The following CGB2 variants were observed in gnomAD, a reference collection of about 807,000 sequenced individuals.
CGB2 encodes choriogonadotropin subunit beta variant 2.
A neutral mutation model predicts 7.1 loss-of-function variants in CGB2; 4 were observed. That is an observed-to-expected ratio of 0.57 (90% confidence interval 0.28 to 1.29). The LOEUF (loss-of-function observed/expected upper bound fraction) is 1.29, where lower values mean the gene tolerates loss of function less well. CGB2 is among the 50% of genes most tolerant of loss of function. The probability of loss-of-function intolerance (pLI) is 0.10; values close to 1 mark genes in which losing one functional copy is unlikely to be tolerated. For synonymous variants in CGB2, 51 were observed against 100.3 expected, an observed-to-expected ratio of 0.51 and a Z score of 2.94; for missense variants, 88 against 224.0, an observed-to-expected ratio of 0.39 and a Z score of 3.88.
chr19:49,032,134 A>C, intron 1 of CGB2, 30 bp downstream of exon 1: 1 of 1,613,944 alleles, frequency 6.2e-7, no homozygotes, highest in South Asian at 1.1e-5. Context: ...CCAGGCACCA[A>C]AGATGGAGAT....
chr19:49,032,216 G>A (rs1369363280), intron 1 of CGB2, 112 bp downstream of exon 1: 11 of 1,613,668 alleles, frequency 6.8e-6, no homozygotes, highest in Non-Finnish European at 9.3e-6. Context: ...ATGAGAAGGG[G>A]CAGACCAGTG....
chr19:49,031,966 G>C lies in CGB2; in HGVS notation c.-130G>C. 1 of 1,317,910 alleles carries C rather than the reference G, an allele frequency of 7.6e-7. No homozygotes were observed. The highest frequency in any genetic ancestry group is 1.1e-6 in the Non-Finnish European group (1 of 916,654). The allele number at this position is 1,317,910 out of a possible 1,614,324, so 81.6% of individuals were successfully genotyped here. Reference sequence around the variant, plus strand: ...GAGAGAGCAGCCAATTGGGTCCGCTGACTCCGGCCGGGTTCCCGTGCCGCG... The same window carrying C: ...GAGAGAGCAGCCAATTGGGTCCGCTCACTCCGGCCGGGTTCCCGTGCCGCG... On this transcript the variant is annotated 5_prime_UTR_variant, in exon 1 of 3. Coordinates refer to ENST00000359342, the MANE Select transcript of CGB2 (RefSeq NM_033378.2).
At position 49,032,475 on chromosome 19, in the gene CGB2, A is replaced by G. The variant is rs1247937858; in HGVS notation, c.10-29A>G. The G allele has an allele frequency of 1.2e-5, 19 of 1,552,920 alleles. 1 individual carries two copies. Among genetic ancestry groups the G allele is most frequent in the African/African-American group, 5.5e-5 (4 of 72,630 alleles). On this transcript the variant is annotated intron_variant, in intron 1 of 2. Transcript: ENST00000359342. ...CCAGGACTCGGGGCTGCGGTCTCAG[A>G]CCCGGGTGAAGCAGTGTCCTTGTCC...
At position 49,032,107 on chromosome 19, in the gene CGB2, A is replaced by G. The variant is rs764198325; in HGVS notation, c.9+3A>G. The G allele has an allele frequency of 3.1e-6, 5 of 1,613,950 alleles. No homozygotes were observed. The highest frequency in any genetic ancestry group is 1.1e-5 in the South Asian group (1 of 91,082). On this transcript the variant is annotated splice_donor_region_variant and intron_variant, in intron 1 of 2. Coordinates refer to ENST00000359342, the MANE Select transcript of CGB2 (RefSeq NM_033378.2). ...GCTAAGAGAGAGACATGTCAAAGGTAGGGTAGATCGACATTTCCAGGCACC... is the reference window on the plus strand; with the variant it reads ...GCTAAGAGAGAGACATGTCAAAGGTGGGGTAGATCGACATTTCCAGGCACC...
chr19:49,031,985 T>A lies in CGB2; in HGVS notation c.-111T>A. Reference sequence around the variant, plus strand: ...TCCGCTGACTCCGGCCGGGTTCCCGTGCCGCGTCCAACACCCCTCACTCCC... The same window carrying A: ...TCCGCTGACTCCGGCCGGGTTCCCGAGCCGCGTCCAACACCCCTCACTCCC... On this transcript the variant is annotated 5_prime_UTR_variant, in exon 1 of 3. Coordinates refer to ENST00000359342, the MANE Select transcript of CGB2 (RefSeq NM_033378.2). 1 of 1,489,926 alleles carries A rather than the reference T, an allele frequency of 6.7e-7. No homozygotes were observed. Among genetic ancestry groups the A allele is most frequent in the South Asian group, 1.1e-5 (1 of 88,438 alleles). The allele number at this position is 1,489,926 out of a possible 1,614,324, so 92.3% of individuals were successfully genotyped here. A position where few individuals can be genotyped will look rare whatever the true frequency, so the allele number is the denominator to read the frequency against.
At position 49,032,497 on chromosome 19, in the gene CGB2, G is replaced by T; in HGVS notation, c.10-7G>T. The T allele has an allele frequency of 6.3e-7, 1 of 1,580,432 alleles. No individual in the cohort carries two copies. Among genetic ancestry groups the T allele is most frequent in the Non-Finnish European group, 8.5e-7 (1 of 1,172,674 alleles). ...CAGACCCGGGTGAAGCAGTGTCCTT[G>T]TCCCAGGGGCTGCTGCTGTTGCTGC... On this transcript the variant is annotated splice_polypyrimidine_tract_variant and splice_region_variant and intron_variant, in intron 1 of 2. Transcript: ENST00000359342.
At position 49,032,055 on chromosome 19, in the gene CGB2, A is replaced by T. The variant is rs564264943; in HGVS notation, c.-41A>T. On this transcript the variant is annotated 5_prime_UTR_variant, in exon 1 of 3. Transcript: ENST00000359342. Reference sequence around the variant, plus strand: ...GACTCAATTTACTTTCCATGTCCACATCCCCAGTGCTTGCGGAAGATATCC... The same window carrying T: ...GACTCAATTTACTTTCCATGTCCACTTCCCCAGTGCTTGCGGAAGATATCC... 6.2e-7 allele frequency: 1 copy of T among 1,613,380 alleles called. No individual in the cohort carries two copies. The highest frequency in any genetic ancestry group is 1.1e-5 in the South Asian group (1 of 91,066).
In CGB2 at chr19:49,033,204, C is replaced by T. The variant is rs1373697554; in HGVS notation, c.475C>T (p.Pro159Ser). 6.2e-7 allele frequency: 1 copy of T among 1,611,656 alleles called. No individual in the cohort carries two copies. The highest frequency in any genetic ancestry group is 1.3e-5 in the African/African-American group (1 of 74,486). Residue 159 changes from proline (P) to serine (S), a missense_variant, in exon 3 of 3, where the codon CCG becomes TCG. Pro to Ser is a moderately conservative substitution (Grantham distance 74). This residue lies in a region of CGB2 where 29 missense variants were observed against 30.7 expected (regional missense o/e 0.94). Coordinates refer to ENST00000359342, the MANE Select transcript of CGB2 (RefSeq NM_033378.2). The stretch of plus-strand genomic sequence containing the variant: ...CCGACTCCCGGGGCCCTCAGACACC[C>T]CGATCCTCCCACAATAAAGGCTTCT... ...PSRLPGPSDTPILPQ is the reference protein window; with the variant it reads ...PSRLPGPSDTSILPQ
At chr19:49,032,307 T>A in intron 1 of CGB2, 197 bp from the exon 2 acceptor site, 1 of 1,577,636 alleles carries the variant, frequency 6.3e-7, no homozygotes, top group Non-Finnish European at 8.6e-7. Context: ...AGGGTGGGGA[T>A]CTAAAATGTT....
At chr19:49,032,440 G>T (rs1386300358) in intron 1 of CGB2, 64 bp from the exon 2 acceptor site, 4 of 1,589,820 alleles carry the variant, frequency 2.5e-6, no homozygotes, top group South Asian at 1.1e-5. Flanking sequence ...TACCACGCGG[G>T]ATGGGAAGGC....
rs1206591460 is a variant in CGB2, at chr19:49,031,924, A to C, written c.-172A>C. 2 of 812,048 alleles carry C rather than the reference A, an allele frequency of 2.5e-6. No individual in the cohort carries two copies. The highest frequency in any genetic ancestry group is 5.6e-5 in the East Asian group (2 of 36,014). 50.3% of individuals were successfully genotyped at this position (812,048 alleles called of 1,614,324 possible). ...TCCGTGGCGCCCCCTGGAGGGAGGAAGGGGAACTGTATCTGAGAGAGAGCA... is the reference window on the plus strand; with the variant it reads ...TCCGTGGCGCCCCCTGGAGGGAGGACGGGGAACTGTATCTGAGAGAGAGCA... On this transcript the variant is annotated 5_prime_UTR_variant, in exon 1 of 3. Transcript: ENST00000359342.
chr19:49,032,232 T>C, intron 1 of CGB2, 128 bp downstream of exon 1: 1 of 1,612,534 alleles, frequency 6.2e-7, no homozygotes, highest in Non-Finnish European at 8.5e-7. Context: ...CAGTGTGAGC[T>C]GTGGAAGGAG....
chr19:49,032,315 G>A, intron 1 of CGB2, 189 bp from the exon 2 acceptor site: 3 of 1,575,962 alleles, frequency 1.9e-6, no homozygotes, highest in Non-Finnish European at 2.6e-6. Context: ...GATCTAAAAT[G>A]TTGGGGTATC....
chr19:49,033,169 C>T lies in CGB2; in HGVS notation c.440C>T (p.Pro147Leu), dbSNP rs1234321908. 5.6e-6 allele frequency: 9 copies of T among 1,610,994 alleles called. No homozygotes were observed. In the South Asian group the frequency reaches 9.9e-5, roughly 18 times the overall value. Residue 147 changes from proline (P) to leucine (L), a missense_variant, in exon 3 of 3, where the codon CCA becomes CTA. By Grantham distance (98) the Pro-to-Leu change is moderately conservative (BLOSUM62 -3). This residue lies in a region of CGB2 where 29 missense variants were observed against 30.7 expected (regional missense o/e 0.94). Coordinates refer to ENST00000359342, the MANE Select transcript of CGB2 (RefSeq NM_033378.2). ...TCAAAGGCCCCTCCCCCCAGCCTTC[C>T]AAGCCCATCCCGACTCCCGGGGCCC... ...SSSKAPPPSL[P>L]SPSRLPGPSD...
rs778235622 is a variant in CGB2, at chr19:49,032,060, C to T, written c.-36C>T. ...AATTTACTTTCCATGTCCACATCCC[C>T]AGTGCTTGCGGAAGATATCCCGCTA... On this transcript the variant is annotated 5_prime_UTR_variant, in exon 1 of 3. Coordinates refer to ENST00000359342, the MANE Select transcript of CGB2 (RefSeq NM_033378.2). 28 of 1,613,552 alleles carry T rather than the reference C, an allele frequency of 1.7e-5. No individual in the cohort carries two copies. The highest frequency in any genetic ancestry group is 2.3e-5 in the Non-Finnish European group (27 of 1,179,582).
intron 1 of CGB2, 189 bp downstream of exon 1, chr19:49,032,293 C>A: frequency 6.3e-6 from 10 of 1,586,668 alleles, no homozygotes; most frequent in South Asian, 1.1e-5. Context: ...TGGGGCAGTT[C>A]CTGAGGGTGG....
At chr19:49,032,332 C>G (rs2039747071) in intron 1 of CGB2, 172 bp from the exon 2 acceptor site, 3 of 1,577,820 alleles carry the variant, frequency 1.9e-6, no homozygotes, top group African/African-American at 1.3e-5. Context: ...TATCTGAGAT[C>G]CTCTGGGCTG....
intron 1 of CGB2, 119 bp from the exon 2 acceptor site, chr19:49,032,385 G>A (rs1204717200): frequency 1.3e-6 from 2 of 1,599,500 alleles, no homozygotes; most frequent in African/African-American, 2.7e-5. Flanking sequence ...GGTGGGTCCT[G>A]AATAGGAGAT....
intron 1 of CGB2, 56 bp from the exon 2 acceptor site, chr19:49,032,448 G>T: frequency 6.3e-7 from 1 of 1,582,548 alleles, no homozygotes; most frequent in Admixed American, 1.8e-5. Flanking sequence ...GGGATGGGAA[G>T]GCCAGGACTC....
Sources: gnomAD v4.1 joint callset for allele counts on GRCh38, gnomAD v4.1.1 for gene constraint, gnomAD v4.1.1 regional missense constraint, MANE v1.5 for transcripts, NCBI Gene and HGNC (gene_info 2026-07-23, HGNC 2026-07-21) for gene names.